The following ASAP1 variants were observed in gnomAD, a reference collection of about 807,000 sequenced individuals.
ASAP1 encodes the protein arf-GAP with SH3 domain, ANK repeat and PH domain-containing protein 1.
ASAP1 carries 43 observed loss-of-function variants against 145.2 expected under a neutral mutation model. The observed-to-expected ratio is 0.30, with a 90% CI of 0.23 to 0.38. The LOEUF is 0.38. ASAP1 is among the 10% of genes least tolerant of loss of function. The pLI is 1.00. For missense variants in ASAP1, 1,018 were observed against 1,355.3 expected (o/e 0.75, Z 3.91); for synonymous variants, 546 against 515.5 (o/e 1.06, Z -0.80).
chr8:130,379,239 G>A (rs1192444546), intron 2 of ASAP1, among the ~76,000 whole-genome samples: 1 of 152,086 alleles, frequency 6.6e-6, no homozygotes, highest in African/African-American at 2.4e-5. Flanking sequence ...CTGTACCACC[G>A]CCCCCTCCCC....
At chr8:130,270,881 T>A (rs1256021495) in intron 3 of ASAP1, among the ~76,000 whole-genome samples, 2 of 149,506 alleles carry the variant, frequency 1.3e-5, no homozygotes, top group Non-Finnish European at 3.0e-5. Context: ...CCTCCTTTTT[T>A]GAAACAGAAA....
intron 3 of ASAP1, among the ~76,000 whole-genome samples, chr8:130,276,463 C>T (rs1470095350): frequency 2.0e-5 from 3 of 152,080 alleles, no homozygotes; most frequent in South Asian, 2.1e-4. Flanking sequence ...TCATGGACTA[C>T]GAAGAACCAG....
At chr8:130,221,195 C>T (rs1044588342) in intron 4 of ASAP1, among the ~76,000 whole-genome samples, 1 of 151,910 alleles carries the variant, frequency 6.6e-6, no homozygotes, top group Non-Finnish European at 1.5e-5. Context: ...GATAGTGCCG[C>T]TACTCTCCAG....
chr8:130,072,642 T>TGCAG (rs2097449491), intron 27 of ASAP1, among the ~76,000 whole-genome samples: 1 of 151,912 alleles, frequency 6.6e-6, no homozygotes, highest in Admixed American at 6.6e-5. Flanking sequence ...CTGTATCCTT[T>TGCAG]GCAGTATCCT....
intron 29 of ASAP1, 142 bp downstream of exon 29, chr8:130,057,812 G>A: frequency 9.4e-7 from 1 of 1,061,026 alleles, no homozygotes; most frequent in Non-Finnish European, 1.4e-6. Context: ...AAATGCAATG[G>A]CTGTTGGGTG....
intron 3 of ASAP1, among the ~76,000 whole-genome samples, chr8:130,330,440 T>C (rs894940007): frequency 6.6e-6 from 1 of 152,264 alleles, no homozygotes; most frequent in Non-Finnish European, 1.5e-5. Context: ...CTATGCTATA[T>C]TGCAGCTAAC....
chr8:130,417,612 T>C (rs1278897686), intron 1 of ASAP1, among the ~76,000 whole-genome samples: 1 of 150,202 alleles, frequency 6.7e-6, no homozygotes, highest in Non-Finnish European at 1.5e-5. Context: ...AAGTCCTGGC[T>C]TCAGGGGAAA....
chr8:130,349,805 C>T (rs1466177914), intron 3 of ASAP1, among the ~76,000 whole-genome samples: 2 of 152,190 alleles, frequency 1.3e-5, no homozygotes, highest in Non-Finnish European at 2.9e-5. Context: ...TGAGTGCCTC[C>T]CATGCATTGC....
chr8:130,308,655 T>C, intron 3 of ASAP1, among the ~76,000 whole-genome samples: 1 of 152,204 alleles, frequency 6.6e-6, no homozygotes, highest in East Asian at 1.9e-4. Flanking sequence ...CAACAATAGA[T>C]TTAATTTTTC....
intron 3 of ASAP1, among the ~76,000 whole-genome samples, chr8:130,303,142 A>G (rs1355484044): frequency 6.6e-6 from 1 of 152,198 alleles, no homozygotes; most frequent in African/African-American, 2.4e-5. Flanking sequence ...GGCTTTGGCC[A>G]TTTACTAGCA....
chr8:130,067,603 G>A (rs1200207998), intron 27 of ASAP1, among the ~76,000 whole-genome samples: 1 of 152,120 alleles, frequency 6.6e-6, no homozygotes, highest in Non-Finnish European at 1.5e-5. Context: ...ATCTCATCAT[G>A]TTGCCCAGGC....
rs1413840165 is a variant in ASAP1, at chr8:130,145,905, G to T, written c.1080+6831C>A. The stretch of plus-strand genomic sequence containing the variant: ...CGCCCAGGGTGGGGTACGGTGGTGT[G>T]ATCTCGGCTCATTGCAACCTCTGCC... On this transcript the variant is annotated intron_variant, in intron 13 of 29. Transcript: ENST00000518721. 6.1e-5 allele frequency among the ~76,000 whole-genome samples: 9 copies of T among 146,716 alleles called. 1 individual carries two copies. Among genetic ancestry groups the T allele is most frequent in the Admixed American group, 6.1e-4 (9 of 14,734 alleles).
At chr8:130,255,523 T>A (rs906038141) in intron 3 of ASAP1, among the ~76,000 whole-genome samples, 1 of 152,222 alleles carries the variant, frequency 6.6e-6, no homozygotes, top group Admixed American at 6.6e-5. Flanking sequence ...CTCTGATAGA[T>A]CATCTGTCTC....
intron 24 of ASAP1, among the ~76,000 whole-genome samples, chr8:130,101,536 G>T (rs912330422): frequency 6.6e-6 from 1 of 151,470 alleles, no homozygotes; most frequent in Non-Finnish European, 1.5e-5. Context: ...TTAGTTTTTT[G>T]GGGGGTAGCT....
rs187435852 is a variant in ASAP1 at position 130,277,273 on chromosome 8, A to C, written c.187-40279T>G. Among the ~76,000 whole-genome samples, 339 of 152,304 alleles carry C rather than the reference A, an allele frequency of 2.2e-3. 3 individuals are homozygous for C. Among genetic ancestry groups the C allele is most frequent in the South Asian group, 3.9e-3 (19 of 4,828 alleles). On this transcript the variant is annotated intron_variant, in intron 3 of 29. Coordinates refer to ENST00000518721, the MANE Select transcript of ASAP1 (RefSeq NM_018482.4). ...CCATCCAGTCTGGCCATTCACCTAA[A>C]AGATGGTTTCCTGTAGCAGCCACTT...
intron 1 of ASAP1, among the ~76,000 whole-genome samples, chr8:130,431,103 A>G (rs548625152): frequency 6.6e-6 from 1 of 152,292 alleles, no homozygotes; most frequent in South Asian, 2.1e-4. Context: ...CTGGCCAGAA[A>G]TCAGTGTCAT....
chr8:130,291,969 C>A (rs1287989989), intron 3 of ASAP1, among the ~76,000 whole-genome samples: 1 of 152,176 alleles, frequency 6.6e-6, no homozygotes, highest in Non-Finnish European at 1.5e-5. Context: ...AGGGACCAGA[C>A]CATCCTCAAG....
chr8:130,306,122 A>G (rs573505313), intron 3 of ASAP1, among the ~76,000 whole-genome samples: 3 of 152,352 alleles, frequency 2.0e-5, no homozygotes, highest in Admixed American at 6.5e-5. Context: ...TAGTTAAGCC[A>G]TAAATTTTTC....
intron 2 of ASAP1, among the ~76,000 whole-genome samples, chr8:130,391,051 C>T (rs72724478): frequency 0.095 from 14,423 of 151,676 alleles, 707 homozygotes; most frequent in Middle Eastern, 0.16. Context: ...CCACGGATGA[C>T]TGGATAAACA....
Sources: gnomAD v4.1 joint callset for allele counts (sites outside exome capture counted in the v4.1 genomes callset) on GRCh38, gnomAD v4.1.1 for gene constraint, MANE v1.5 for transcripts, NCBI Gene and HGNC (gene_info 2026-07-23, HGNC 2026-07-21) for gene names.